COL21A1: variants seen among roughly 807,000 people sequenced by gnomAD.
COL21A1 encodes collagen alpha-1(XXI) chain.
Under a neutral mutation model 137.9 loss-of-function variants are expected in COL21A1, and 149 were observed. That is an observed-to-expected ratio of 1.08 (90% CI 0.95 to 1.24). COL21A1 has a LOEUF of 1.24. Among genes scored for constraint, COL21A1 ranks in the 50% most tolerant of loss-of-function variants. The probability of loss-of-function intolerance (pLI) is 0.00; values close to 1 mark genes in which losing one functional copy is unlikely to be tolerated. For missense variants in COL21A1, 1,167 were observed against 1,158.4 expected, an observed-to-expected ratio of 1.01 and a Z score of -0.11; for synonymous variants, 456 against 391.5, an observed-to-expected ratio of 1.16 and a Z score of -1.95.
chr6:56,154,269 C>G (rs1775565793), intron 10 of COL21A1, among the ~76,000 whole-genome samples: 1 of 152,158 alleles, frequency 6.6e-6, no homozygotes, highest in South Asian at 2.1e-4. Context: ...ATACTAGTGT[C>G]ATGCTCTTGG....
At chr6:56,229,031 C>T (rs541433079) in intron 1 of COL21A1, among the ~76,000 whole-genome samples, 1 of 151,836 alleles carries the variant, frequency 6.6e-6, no homozygotes, top group South Asian at 2.1e-4. Context: ...CAGATAATAG[C>T]ATTATGGATA....
chr6:56,113,493 G>A (rs1207692699), intron 16 of COL21A1, among the ~76,000 whole-genome samples: 3 of 152,144 alleles, frequency 2.0e-5, no homozygotes, highest in African/African-American at 7.2e-5. Flanking sequence ...TTGAAGGAAA[G>A]GATGCAGTCC....
intron 1 of COL21A1, among the ~76,000 whole-genome samples, chr6:56,392,518 A>C (rs1335355672): frequency 6.6e-6 from 1 of 152,210 alleles, no homozygotes; most frequent in Non-Finnish European, 1.5e-5. Context: ...AGAACAAAAT[A>C]AAGGGCATCC....
intron 10 of COL21A1, among the ~76,000 whole-genome samples, chr6:56,147,913 A>G (rs1774964460): frequency 6.6e-6 from 1 of 152,100 alleles, no homozygotes; most frequent in African/African-American, 2.4e-5. Context: ...TTTCTCTAGC[A>G]TCATTCTTGA....
chr6:56,273,285 A>G (rs9396188), intron 1 of COL21A1, among the ~76,000 whole-genome samples: 35,257 of 152,150 alleles, frequency 0.23, 4,466 homozygotes, highest in Non-Finnish European at 0.29. Context: ...TCGAGAAGTT[A>G]GAAACATCTC....
intron 1 of COL21A1, among the ~76,000 whole-genome samples, chr6:56,332,717 A>G (rs1467575397): frequency 2.0e-5 from 3 of 151,800 alleles, no homozygotes; most frequent in Admixed American, 1.3e-4. Context: ...AATTAACTAG[A>G]TAGAGAGTGT....
intron 1 of COL21A1, among the ~76,000 whole-genome samples, chr6:56,263,033 A>G (rs4571565): frequency 0.23 from 35,354 of 152,128 alleles, 4,487 homozygotes; most frequent in Non-Finnish European, 0.29. Flanking sequence ...AGAAGGTGAC[A>G]TGGGATGCAA....
intron 16 of COL21A1, among the ~76,000 whole-genome samples, chr6:56,113,911 C>A (rs1419426020): frequency 6.6e-6 from 1 of 152,124 alleles, no homozygotes; most frequent in Non-Finnish European, 1.5e-5. Flanking sequence ...AAAGAAACGT[C>A]AGTGGTCATC....
At chr6:56,337,103 G>A (rs926807233) in intron 1 of COL21A1, among the ~76,000 whole-genome samples, 1 of 152,030 alleles carries the variant, frequency 6.6e-6, no homozygotes, top group Non-Finnish European at 1.5e-5. Flanking sequence ...TGTGCTCTAC[G>A]AACTCACTTT....
intron 16 of COL21A1, among the ~76,000 whole-genome samples, chr6:56,108,543 A>C (rs1771149023): frequency 6.6e-6 from 1 of 151,972 alleles, no homozygotes; most frequent in Non-Finnish European, 1.5e-5. Context: ...CCACAATTCA[A>C]AATGAAGATG....
intron 16 of COL21A1, among the ~76,000 whole-genome samples, chr6:56,107,444 G>A (rs2152180339): frequency 6.6e-6 from 1 of 151,802 alleles, no homozygotes; most frequent in East Asian, 1.9e-4. Context: ...AAAAATCCCT[G>A]AATCTTCCTT....
chr6:56,377,198 C>A (rs1056850748), intron 1 of COL21A1, among the ~76,000 whole-genome samples: 1 of 152,038 alleles, frequency 6.6e-6, no homozygotes, highest in Non-Finnish European at 1.5e-5. Flanking sequence ...ACCATGCTGG[C>A]CAGGCTGGTC....
chr6:56,377,238 C>T (rs2094000968), intron 1 of COL21A1, among the ~76,000 whole-genome samples: 1 of 152,136 alleles, frequency 6.6e-6, no homozygotes, highest in South Asian at 2.1e-4. Context: ...ATCCACCCAC[C>T]TCGGCCTCCC....
At chr6:56,193,254 T>C (rs778589254) in intron 1 of COL21A1, among the ~76,000 whole-genome samples, 7 of 152,066 alleles carry the variant, frequency 4.6e-5, no homozygotes, top group Non-Finnish European at 8.8e-5. Flanking sequence ...GGCATTTGTA[T>C]ACCTATGTAA....
chr6:56,133,811 C>T (rs1259913650), intron 12 of COL21A1, among the ~76,000 whole-genome samples: 15 of 152,212 alleles, frequency 9.9e-5, no homozygotes, highest in Non-Finnish European at 2.2e-4. Flanking sequence ...GTGCAGGCCC[C>T]AAGCCTTGGC....
chr6:56,111,025 G>A (rs570229146), intron 16 of COL21A1, among the ~76,000 whole-genome samples: 8 of 152,048 alleles, frequency 5.3e-5, no homozygotes, highest in African/African-American at 1.9e-4. Flanking sequence ...TGAAAAAGTA[G>A]TAAGAAAGCT....
At chr6:56,262,869 C>T (rs1161634229) in intron 1 of COL21A1, among the ~76,000 whole-genome samples, 1 of 152,184 alleles carries the variant, frequency 6.6e-6, no homozygotes, top group South Asian at 2.1e-4. Context: ...ATAAGGACTA[C>T]TCCAGCTAGA....
intron 1 of COL21A1, among the ~76,000 whole-genome samples, chr6:56,318,850 G>T (rs536828307): frequency 3.3e-5 from 5 of 151,712 alleles, no homozygotes; most frequent in African/African-American, 1.2e-4. Context: ...CTTTGAATCC[G>T]TTTTTTCAGT....
At chr6:56,151,946 C>A (rs995019131) in intron 10 of COL21A1, among the ~76,000 whole-genome samples, 2 of 152,054 alleles carry the variant, frequency 1.3e-5, no homozygotes, top group Non-Finnish European at 2.9e-5. Flanking sequence ...GGAGACACTG[C>A]GGGGAGGGGC....
Sources: gnomAD v4.1 joint callset for allele counts (sites outside exome capture counted in the v4.1 genomes callset) on GRCh38, gnomAD v4.1.1 for gene constraint, MANE v1.5 for transcripts, NCBI Gene and HGNC (gene_info 2026-07-23, HGNC 2026-07-21) for gene names.